The following GPHN variants were observed in gnomAD, a reference collection of about 807,000 sequenced individuals.
GPHN encodes gephyrin.
A neutral mutation model predicts 95.5 loss-of-function variants in GPHN; 17 were observed. The ratio of observed to expected loss-of-function variants is 0.18; its 90% CI spans 0.12 to 0.27. The LOEUF is 0.27. GPHN is among the 10% of genes least tolerant of loss of function. GPHN has a pLI of 1.00. For missense variants in GPHN, 660 were observed against 978.1 expected (o/e 0.67, Z 4.34); for synonymous variants, 320 against 322.5 (o/e 0.99, Z 0.08).
At chr14:67,032,934 CAG>C (rs2074257089) in intron 10 of GPHN, among the ~76,000 whole-genome samples, 1 of 151,900 alleles carries the variant, frequency 6.6e-6, no homozygotes, top group Non-Finnish European at 1.5e-5. Context: ...CTCAAAGAAA[CAG>C]AGATTTATGA....
intron 2 of GPHN, among the ~76,000 whole-genome samples, chr14:66,740,684 G>A (rs1198111319): frequency 1.3e-5 from 2 of 152,028 alleles, no homozygotes; most frequent in Non-Finnish European, 2.9e-5. Flanking sequence ...CTGATATTTG[G>A]CTCTTATAGA....
the GPHN span, chr14:67,582,196 GC>G: frequency 3.1e-6 from 5 of 1,613,618 alleles, no homozygotes; most frequent in Non-Finnish European, 4.2e-6. The surrounding 1 kb of genome is among the most constrained non-coding windows in gnomAD (Gnocchi z 5.0). Context: ...TGAGATGGCT[GC>G]CCTGATGGCC....
intron 3 of GPHN, among the ~76,000 whole-genome samples, chr14:66,777,810 G>A (rs1305524215): frequency 2.6e-5 from 4 of 152,096 alleles, no homozygotes; most frequent in Non-Finnish European, 5.9e-5. Flanking sequence ...ATTAGGTATT[G>A]ATGGGACGTA....
chr14:67,388,864 A>G, the GPHN span, among the ~76,000 whole-genome samples: 1 of 151,922 alleles, frequency 6.6e-6, no homozygotes, highest in South Asian at 2.1e-4. Context: ...TTTTTAGTAG[A>G]GGCAGGGGTT....
At chr14:67,094,772 G>A (rs1236801308) in intron 12 of GPHN, among the ~76,000 whole-genome samples, 9 of 152,138 alleles carry the variant, frequency 5.9e-5, no homozygotes, top group Admixed American at 3.3e-4. Flanking sequence ...TTACAATGGA[G>A]CTGAAAAATT....
intron 8 of GPHN, among the ~76,000 whole-genome samples, chr14:66,936,415 A>G (rs1409545583): frequency 3.3e-5 from 5 of 152,000 alleles, no homozygotes; most frequent in African/African-American, 9.7e-5. Context: ...ATTTTTTACC[A>G]TGGTTTGAAA....
the GPHN span, among the ~76,000 whole-genome samples, chr14:67,404,585 G>A: frequency 3.3e-5 from 5 of 152,088 alleles, no homozygotes; most frequent in African/African-American, 9.7e-5. Flanking sequence ...TAAGATGGGA[G>A]GATCACTTGA....
the GPHN span, among the ~76,000 whole-genome samples, chr14:67,642,789 TTTTC>T: frequency 3.3e-5 from 4 of 119,560 alleles, no homozygotes; most frequent in African/African-American, 9.2e-5. Flanking sequence ...TGTTACTACA[TTTTC>T]TTTTTTTTTT....
the GPHN span, chr14:67,364,261 G>T: frequency 6.6e-6 from 1 of 152,064 alleles, no homozygotes; most frequent in East Asian, 1.9e-4. Flanking sequence ...TGTAATTTTG[G>T]CTATAATAAA....
intron 1 of GPHN, among the ~76,000 whole-genome samples, chr14:66,535,690 T>A (rs931821911): frequency 2.6e-5 from 4 of 152,164 alleles, no homozygotes; most frequent in African/African-American, 9.6e-5. Context: ...TTGTTAGCGT[T>A]ATGGCTAGCT....
intron 5 of GPHN, among the ~76,000 whole-genome samples, chr14:66,887,004 G>A (rs980875178): frequency 1.3e-5 from 2 of 152,146 alleles, no homozygotes; most frequent in Non-Finnish European, 2.9e-5. Context: ...AAGTCCTTCG[G>A]AACAACCAGG....
intron 11 of GPHN, among the ~76,000 whole-genome samples, chr14:67,076,449 A>G (rs1312633781): frequency 1.3e-5 from 2 of 152,120 alleles, no homozygotes; most frequent in Non-Finnish European, 2.9e-5. Flanking sequence ...TATCCCTGTA[A>G]TTCACTTTAA....
intron 12 of GPHN, among the ~76,000 whole-genome samples, chr14:67,093,882 T>C (rs1191017263): frequency 1.3e-5 from 2 of 152,272 alleles, no homozygotes; most frequent in Admixed American, 6.5e-5. Context: ...ATCTTAACTT[T>C]AGTATGCATA....
chr14:66,821,650 A>C (rs111516518), intron 3 of GPHN, among the ~76,000 whole-genome samples: 1 of 152,240 alleles, frequency 6.6e-6, no homozygotes, highest in Non-Finnish European at 1.5e-5. Context: ...CTGGTATTCT[A>C]TACTGGTGGG....
chr14:66,637,643 A>C (rs756125410), intron 1 of GPHN, among the ~76,000 whole-genome samples: 4 of 152,160 alleles, frequency 2.6e-5, no homozygotes, highest in Non-Finnish European at 4.4e-5. Flanking sequence ...AAGGACTACC[A>C]TGTTTAAGGC....
At chr14:67,544,866 G>GCTAA in the GPHN span, among the ~76,000 whole-genome samples, 1 of 152,218 alleles carries the variant, frequency 6.6e-6, no homozygotes, top group African/African-American at 2.4e-5. Context: ...AGACCTGGAT[G>GCTAA]TTAGAATGAC....
At chr14:66,931,453 GTCTC>G (rs148521427) in intron 8 of GPHN, among the ~76,000 whole-genome samples, 62 of 150,162 alleles carry the variant, frequency 4.1e-4, no homozygotes, top group African/African-American at 1.4e-3. Context: ...CCTGATCTCA[GTCTC>G]TCTCTCTCTC....
At chr14:67,205,894 T>C in the GPHN span, among the ~76,000 whole-genome samples, 39 of 152,096 alleles carry the variant, frequency 2.6e-4, no homozygotes, top group Non-Finnish European at 4.1e-4. Flanking sequence ...AGGTCCACAA[T>C]AGAAAAAAGT....
chr14:67,681,726 G>A, the GPHN span, among the ~76,000 whole-genome samples: 1 of 152,032 alleles, frequency 6.6e-6, no homozygotes, highest in Admixed American at 6.5e-5. Context: ...AGGTTGCAGT[G>A]AGCAGCCTGG....
Sources: gnomAD v4.1 joint callset for allele counts (sites outside exome capture counted in the v4.1 genomes callset) on GRCh38, gnomAD v4.1.1 for gene constraint, Gnocchi (gnomAD v3.1) non-coding constraint, MANE v1.5 for transcripts, NCBI Gene and HGNC (gene_info 2026-07-23, HGNC 2026-07-21) for gene names.